Variants in ZNF254 observed in about 807,000 individuals in gnomAD.
The protein encoded by ZNF254 is zinc finger protein 254.
Under a neutral mutation model 12.4 loss-of-function variants are expected in ZNF254, and 10 were observed. The ratio of observed to expected loss-of-function variants is 0.80; its 90% CI spans 0.50 to 1.36. The LOEUF is 1.36. Among genes scored for constraint, ZNF254 ranks in the 40% most tolerant of loss-of-function variants. The pLI is 0.00. For synonymous variants in ZNF254, 305 were observed against 253.4 expected (o/e 1.20, Z -1.93); for missense variants, 996 against 763.9 (o/e 1.30, Z -3.58).
At chr19:24,035,400 T>A (rs1969928307) in intron 1 of ZNF254, among the ~76,000 whole-genome samples, 1 of 152,112 alleles carries the variant, frequency 6.6e-6, no homozygotes, top group African/African-American at 2.4e-5. Flanking sequence ...TGACCTCAGG[T>A]GATCCACCCT....
upstream of ZNF254, among the ~76,000 whole-genome samples, chr19:24,082,664 A>C (rs1042553034): frequency 8.5e-4 from 123 of 145,448 alleles, 1 homozygote; most frequent in African/African-American, 3.0e-3. Context: ...AAACAAAAAA[A>C]AAAAACCCAA....
chr19:24,047,305 AT>A (rs896079359), intron 2 of ZNF254, among the ~76,000 whole-genome samples: 8 of 125,404 alleles, frequency 6.4e-5, no homozygotes, highest in African/African-American at 2.1e-4. Context: ...TTTCTTTTTA[AT>A]TTTTTTTCCT....
intron 1 of ZNF254, chr19:24,099,013 T>C (rs1218511794): frequency 9.7e-5 from 14 of 143,796 alleles, no homozygotes; most frequent in African/African-American, 3.8e-4. Flanking sequence ...TTTTTTTTTT[T>C]TTTGAGACAG....
chr19:24,040,157 T>G (rs950595838), intron 1 of ZNF254, among the ~76,000 whole-genome samples: 2 of 152,150 alleles, frequency 1.3e-5, no homozygotes, highest in African/African-American at 4.8e-5. Flanking sequence ...TGTCCAGGTC[T>G]GGCCCCACCC....
Position 24,115,404 on chromosome 19 carries a change from T to G in ZNF254, c.253+8761T>G, listed in dbSNP as rs1203637902. On this transcript the variant is annotated intron_variant, in intron 3 of 3. Transcript: ENST00000357002. ...CATGGATGAAATTGGAAATCATCAT[T>G]CTCAGTAAACTATCGCAAGAACAAA... Among the ~76,000 whole-genome samples, 6 of 152,134 alleles carry G rather than the reference T, an allele frequency of 3.9e-5. No homozygotes were observed. The East Asian group carries it at 1.2e-3, about 29-fold the overall frequency.
In ZNF254 at chr19:24,127,173, A is replaced by T. The variant is rs891351743; in HGVS notation, c.1173A>T (p.Ser391=). 1 of 1,613,482 alleles carries T rather than the reference A, an allele frequency of 6.2e-7. No homozygotes were observed. The highest frequency in any genetic ancestry group is 1.3e-5 in the African/African-American group (1 of 74,886). The part of the protein sequence containing the change: ...LECGKAFKQL[S]TLTTHKIIHV... ...GTGGCAAAGCTTTTAAGCAACTCTC[A>T]ACTCTTACTACACATAAAATAATTC... Residue 391 remains serine, a synonymous_variant, in exon 4 of 4, where the codon TCA becomes TCT. Transcript: ENST00000357002.
chr19:24,066,684 AAAACAAAACAAAAC>A (rs1220175592), intron 2 of ZNF254: 3 of 162 alleles, frequency 0.019, no homozygotes, highest in East Asian at 0.17. Context: ...TGTCTCTACT[AAAACAAAACAAAAC>A]AAAACAAAAC....
At chr19:24,088,962 ATCTTTTTTTTTTTTTTTT>A (rs1972196347) in intron 1 of ZNF254, among the ~76,000 whole-genome samples, 1 of 126,060 alleles carries the variant, frequency 7.9e-6, no homozygotes, top group Non-Finnish European at 1.6e-5. Flanking sequence ...TGGCCAATTA[ATCTTTTTTTTTTTTTTTT>A]TTTTTTTTTT....
intron 2 of ZNF254, among the ~76,000 whole-genome samples, chr19:24,055,763 G>A (rs547396004): frequency 4.6e-5 from 7 of 152,284 alleles, no homozygotes; most frequent in East Asian, 1.9e-4. Context: ...TTCAGCATGC[G>A]TATGAGGCTG....
Position 24,127,517 on chromosome 19 carries a change from C to A in ZNF254, c.1517C>A (p.Thr506Asn). 6.2e-7 allele frequency: 1 copy of A among 1,613,542 alleles called. No homozygotes were observed. Among genetic ancestry groups the A allele is most frequent in the Non-Finnish European group, 8.5e-7 (1 of 1,179,832 alleles). ...GKSFSQSSTLTTHKIIHTGEK... is the reference protein window; with the variant it reads ...GKSFSQSSTLNTHKIIHTGEK... ...TCTTTTAGCCAATCCTCAACCCTTA[C>A]TACACATAAGATAATTCATACTGGA... Residue 506 changes from threonine (T) to asparagine (N), a missense_variant, in exon 4 of 4, where the codon ACT becomes AAT. Coordinates refer to ENST00000357002, the MANE Select transcript of ZNF254 (RefSeq NM_203282.4).
chr19:24,053,068 A>T (rs1970709117), intron 2 of ZNF254, among the ~76,000 whole-genome samples: 1 of 152,218 alleles, frequency 6.6e-6, no homozygotes, highest in African/African-American at 2.4e-5. Flanking sequence ...TCATCCTTCC[A>T]CATAAACACA....
At chr19:24,097,829 T>TAA (rs1972764090) in intron 1 of ZNF254, among the ~76,000 whole-genome samples, 1 of 128,926 alleles carries the variant, frequency 7.8e-6, no homozygotes, top group Admixed American at 7.6e-5. Context: ...AAATAAAATA[T>TAA]ACAAGCAAAC....
intron 1 of ZNF254, among the ~76,000 whole-genome samples, chr19:24,094,400 AC>A (rs1173378950): frequency 6.6e-6 from 1 of 151,986 alleles, no homozygotes; most frequent in Non-Finnish European, 1.5e-5. Context: ...AGCTGGGATT[AC>A]AGGCATCCGC....
At chr19:24,075,655 A>G (rs1251820717) in intron 2 of ZNF254, among the ~76,000 whole-genome samples, 1 of 152,202 alleles carries the variant, frequency 6.6e-6, no homozygotes, top group Non-Finnish European at 1.5e-5. Context: ...ATGAGGTTCC[A>G]TGTCCCGCTG....
At chr19:24,077,772 C>G (rs1971710179) in intron 2 of ZNF254, among the ~76,000 whole-genome samples, 1 of 151,802 alleles carries the variant, frequency 6.6e-6, no homozygotes, top group African/African-American at 2.4e-5. Flanking sequence ...TCTTGTGATA[C>G]AGGGTGTGTG....
chr19:24,115,882 G>A (rs1275509648), intron 3 of ZNF254, among the ~76,000 whole-genome samples: 1 of 152,224 alleles, frequency 6.6e-6, no homozygotes, highest in East Asian at 1.9e-4. Context: ...CTCTTTTAGG[G>A]CAGGCCTGGT....
At chr19:24,123,713 G>T (rs1974640634) in intron 3 of ZNF254, among the ~76,000 whole-genome samples, 1 of 151,936 alleles carries the variant, frequency 6.6e-6, no homozygotes, top group South Asian at 2.1e-4. Context: ...TGTTTCTTTG[G>T]AGTTTAAATT....
chr19:24,107,640 ATT>A (rs1434142885), intron 3 of ZNF254, among the ~76,000 whole-genome samples: 1 of 152,136 alleles, frequency 6.6e-6, no homozygotes. Flanking sequence ...CATTTTACTT[ATT>A]GGTCTTCAAT....
At chr19:24,072,283 T>C (rs2145502209) in intron 2 of ZNF254, among the ~76,000 whole-genome samples, 1 of 152,062 alleles carries the variant, frequency 6.6e-6, no homozygotes, top group East Asian at 2.0e-4. Context: ...GCAATTCTCC[T>C]GCCTCAGCCT....
Sources: gnomAD v4.1 joint callset for allele counts (sites outside exome capture counted in the v4.1 genomes callset) on GRCh38, gnomAD v4.1.1 for gene constraint, MANE v1.5 for transcripts, NCBI Gene and HGNC (gene_info 2026-07-23, HGNC 2026-07-21) for gene names.